Variants in ABCC1 observed in about 807,000 individuals in gnomAD.
ABCC1 encodes multidrug resistance-associated protein 1.
ABCC1 carries 83 observed loss-of-function variants against 172.9 expected under a neutral mutation model. The observed-to-expected ratio is 0.48, with a 90% CI of 0.40 to 0.58. The LOEUF is 0.58. Among genes scored for constraint, ABCC1 ranks in the 20% least tolerant of loss-of-function variants. The pLI is 0.00. For synonymous variants in ABCC1, 937 were observed against 825.2 expected (o/e 1.14, Z -2.32); for missense variants, 1,817 against 2,002.7 (o/e 0.91, Z 1.77).
chr16:16,117,672 G>A lies in ABCC1; in HGVS notation c.3390+2596G>A, dbSNP rs368346835. Among the ~76,000 whole-genome samples, 3 of 152,220 alleles carry A rather than the reference G, an allele frequency of 2.0e-5. No individual in the cohort carries two copies. In the South Asian group the frequency reaches 6.2e-4, roughly 32 times the overall value. On this transcript the variant is annotated intron_variant, in intron 23 of 30. Transcript: ENST00000399410. ...TGTAACCCTACCCCTTTGGGAGGCC[G>A]AGGCGCGTGTATCACCTGAAGTCAG...
chr16:16,016,094 C>G lies in ABCC1; in HGVS notation c.490-402C>G, dbSNP rs2047983454. 2.0e-5 allele frequency among the ~76,000 whole-genome samples: 3 copies of G among 149,784 alleles called. No individual in the cohort carries two copies. The South Asian group carries it at 6.3e-4, about 32-fold the overall frequency. On this transcript the variant is annotated intron_variant, in intron 4 of 30. Transcript: ENST00000399410. ...GAGCTGGGAGCCCCTGGGGAGCCTG[C>G]AGTGTCCCTGTGGCTGAGTGGGTTT...
chr16:15,954,152 C>T (rs1328820880), intron 1 of ABCC1, among the ~76,000 whole-genome samples: 1 of 151,748 alleles, frequency 6.6e-6, no homozygotes, highest in African/African-American at 2.4e-5. Flanking sequence ...GGATTACAGG[C>T]GCACAGCCAC....
chr16:16,090,750 A>G (rs1423775361), intron 19 of ABCC1, among the ~76,000 whole-genome samples, 162 bp downstream of exon 19: 1 of 151,368 alleles, frequency 6.6e-6, no homozygotes, highest in African/African-American at 2.4e-5. Flanking sequence ...GTGGAAAACC[A>G]CCTTAGTCCC....
chr16:16,012,882 C>T (rs1193331308), intron 3 of ABCC1, among the ~76,000 whole-genome samples: 6 of 152,012 alleles, frequency 3.9e-5, no homozygotes, highest in Admixed American at 6.6e-5. Flanking sequence ...GGGGTTTCAC[C>T]ATGTTGGCCA....
At position 16,141,891 on chromosome 16, in the gene ABCC1, C is replaced by T. The variant is rs2046138011; in HGVS notation, c.*610C>T. ...ATCTGGTCTTCCAGGCACTCAAAAGCTGGGAACCAGCATCTCAGCGCCAGC... is the reference window on the plus strand; with the variant it reads ...ATCTGGTCTTCCAGGCACTCAAAAGTTGGGAACCAGCATCTCAGCGCCAGC... On this transcript the variant is annotated 3_prime_UTR_variant, in exon 31 of 31. Coordinates refer to ENST00000399410, the MANE Select transcript of ABCC1 (RefSeq NM_004996.4). The T allele has an allele frequency of 6.6e-6, 1 of 152,576 alleles. No homozygotes were observed. The highest frequency in any genetic ancestry group is 1.5e-5 in the Non-Finnish European group (1 of 68,336). The allele number at this position is 152,576 out of a possible 1,614,324, so 9.5% of individuals were successfully genotyped here. A position where few individuals can be genotyped will look rare whatever the true frequency, so the allele number is the denominator to read the frequency against.
chr16:15,980,025 C>T (rs1431606091), intron 1 of ABCC1, among the ~76,000 whole-genome samples: 1 of 152,040 alleles, frequency 6.6e-6, no homozygotes, highest in Non-Finnish European at 1.5e-5. Context: ...AAGAAACAGT[C>T]TGGGGAGAGT....
chr16:16,055,056 G>A (rs1369937257), intron 11 of ABCC1, among the ~76,000 whole-genome samples: 1 of 152,034 alleles, frequency 6.6e-6, no homozygotes, highest in Non-Finnish European at 1.5e-5. Context: ...ATAGCAAGGT[G>A]CCATCTCTAC....
intron 1 of ABCC1, among the ~76,000 whole-genome samples, chr16:15,953,542 G>A (rs1020348043): frequency 2.0e-5 from 3 of 152,160 alleles, no homozygotes; most frequent in Non-Finnish European, 2.9e-5. Context: ...TGAGGAATAA[G>A]TGAGTTAATC....
intron 3 of ABCC1, among the ~76,000 whole-genome samples, chr16:16,011,894 C>T (rs1482888456): frequency 6.6e-6 from 1 of 152,024 alleles, no homozygotes; most frequent in East Asian, 1.9e-4. Context: ...GTCTCGAACT[C>T]CGGACCTCAG....
intron 14 of ABCC1, among the ~76,000 whole-genome samples, chr16:16,072,563 C>T (rs575743660): frequency 1.8e-4 from 27 of 150,360 alleles, no homozygotes; most frequent in African/African-American, 6.1e-4. Flanking sequence ...GTCTTGAGCT[C>T]CTGGGCTCAA....
intron 22 of ABCC1, among the ~76,000 whole-genome samples, chr16:16,114,464 C>G (rs925037047): frequency 3.3e-5 from 5 of 151,998 alleles, no homozygotes; most frequent in African/African-American, 1.2e-4. Context: ...CCTCAGCCTC[C>G]CGAGTAGCTG....
intron 29 of ABCC1, among the ~76,000 whole-genome samples, chr16:16,137,084 C>T: frequency 6.6e-6 from 1 of 152,222 alleles, no homozygotes; most frequent in East Asian, 1.9e-4. Context: ...CTCTGGGGTC[C>T]TGCTTTGGTG....
At chr16:16,104,560 A>C (rs1436806266) in intron 20 of ABCC1, among the ~76,000 whole-genome samples, 1 of 152,180 alleles carries the variant, frequency 6.6e-6, no homozygotes, top group East Asian at 1.9e-4. Flanking sequence ...GCTAGACATA[A>C]AGGGCCTCCA....
chr16:16,035,703 C>A (rs894046555), intron 6 of ABCC1, among the ~76,000 whole-genome samples: 7 of 151,610 alleles, frequency 4.6e-5, no homozygotes, highest in Admixed American at 6.6e-5. Context: ...CTATGTTGTC[C>A]AGGCTGGTCT....
intron 5 of ABCC1, among the ~76,000 whole-genome samples, chr16:16,026,196 C>A (rs2048361720): frequency 6.6e-6 from 1 of 151,918 alleles, no homozygotes. Flanking sequence ...CTTTGGGAGG[C>A]CGAGGTGGGT....
At position 16,052,769 on chromosome 16, in the gene ABCC1, A is replaced by C; in HGVS notation, c.1426A>C (p.Met476Leu). 1 of 1,613,922 alleles carries C rather than the reference A, an allele frequency of 6.2e-7. No homozygotes were observed. The highest frequency in any genetic ancestry group is 8.5e-7 in the Non-Finnish European group (1 of 1,179,964). The change falls in exon 11 of 31, where the codon ATG (methionine) becomes CTG (leucine). Residue 476 changes from methionine (M) to leucine (L), a missense_variant. Met to Leu is a conservative substitution (Grantham distance 15). Coordinates refer to ENST00000399410, the MANE Select transcript of ABCC1 (RefSeq NM_004996.4). Reference sequence around the variant, plus strand: ...GGCTGGAGTGGCGGTGATGGTCCTCATGGTGCCCGTCAATGCTGTGATGGC... The same window carrying C: ...GGCTGGAGTGGCGGTGATGGTCCTCCTGGTGCCCGTCAATGCTGTGATGGC... Reference protein sequence around the residue: ...VLAGVAVMVLMVPVNAVMAMK... With the variant: ...VLAGVAVMVLLVPVNAVMAMK...
At chr16:16,086,479 G>A (rs2051010214) in intron 17 of ABCC1, among the ~76,000 whole-genome samples, 1 of 152,180 alleles carries the variant, frequency 6.6e-6, no homozygotes, top group South Asian at 2.1e-4. Flanking sequence ...TAAAGAGACA[G>A]GGTCTCATTC....
At chr16:16,036,089 A>G (rs958188307) in intron 6 of ABCC1, among the ~76,000 whole-genome samples, 3 of 151,974 alleles carry the variant, frequency 2.0e-5, no homozygotes, top group African/African-American at 7.2e-5. Flanking sequence ...GCACCACTGT[A>G]CTCCATCCTG....
At chr16:15,989,436 G>T (rs963033137) in intron 1 of ABCC1, among the ~76,000 whole-genome samples, 5 of 152,172 alleles carry the variant, frequency 3.3e-5, no homozygotes, top group Non-Finnish European at 7.3e-5. Context: ...CAGGAGTGCG[G>T]TGGGGAAATG....
Sources: allele counts gnomAD v4.1 joint callset (sites outside exome capture counted in the v4.1 genomes callset), GRCh38; gene constraint gnomAD v4.1.1; transcripts MANE v1.5; gene names NCBI Gene and HGNC (gene_info 2026-07-23, HGNC 2026-07-21).